EEFSEC: variants seen among roughly 807,000 people sequenced by gnomAD.
The protein encoded by EEFSEC is selenocysteine-specific elongation factor.
In EEFSEC, 43 loss-of-function variants were observed where a neutral mutation model predicts 42.1. The observed-to-expected ratio is 1.02, with a 90% CI of 0.80 to 1.32. The LOEUF is 1.32. EEFSEC is among the 40% of genes most tolerant of loss of function. The probability of loss-of-function intolerance (pLI) is 0.00; values close to 1 mark genes in which losing one functional copy is unlikely to be tolerated. For synonymous variants in EEFSEC, 354 were observed against 339.1 expected (o/e 1.04, Z -0.48); for missense variants, 745 against 803.6 (o/e 0.93, Z 0.88).
Position 128,342,849 on chromosome 3 carries a change from C to T in EEFSEC, c.1443+960C>T, listed in dbSNP as rs537369100. Among the ~76,000 whole-genome samples, 66 of 152,374 alleles carry T rather than the reference C, an allele frequency of 4.3e-4. 2 individuals carry two copies. The South Asian group carries it at 9.5e-3, about 22-fold the overall frequency. On this transcript the variant is annotated intron_variant, in intron 5 of 6. Transcript: ENST00000254730. ...CCTCCCATGGGGCATCCATCCCCAG[C>T]AGCTGTCCACACAGTGCTGAGTGGG...
the EEFSEC span, among the ~76,000 whole-genome samples, chr3:128,422,912 C>T: frequency 6.6e-6 from 1 of 152,194 alleles, no homozygotes; most frequent in Non-Finnish European, 1.5e-5. Context: ...GGTCATGCTG[C>T]CCCCACCTGC....
intron 4 of EEFSEC, among the ~76,000 whole-genome samples, chr3:128,311,101 A>G (rs551611753): frequency 6.6e-6 from 1 of 152,384 alleles, no homozygotes; most frequent in African/African-American, 2.4e-5. Context: ...GAAAATTTTT[A>G]AAATTAAAAT....
intron 4 of EEFSEC, among the ~76,000 whole-genome samples, chr3:128,282,260 A>C (rs1429296776): frequency 6.6e-6 from 1 of 152,178 alleles, no homozygotes; most frequent in Non-Finnish European, 1.5e-5. Context: ...GTCTCTTCCA[A>C]GCCAGGAGTG....
At chr3:128,403,509 G>A (rs897682447) in intron 6 of EEFSEC, among the ~76,000 whole-genome samples, 2 of 152,174 alleles carry the variant, frequency 1.3e-5, no homozygotes, top group African/African-American at 4.8e-5. Context: ...CCAGGCAGAT[G>A]GGCAGTCGGC....
At chr3:128,323,154 G>A (rs1024957311) in intron 4 of EEFSEC, among the ~76,000 whole-genome samples, 6 of 152,310 alleles carry the variant, frequency 3.9e-5, no homozygotes, top group Non-Finnish European at 8.8e-5. Context: ...ACTGGTTTCT[G>A]CACTTAGGGG....
chr3:128,396,814 C>T (rs2067986703), intron 6 of EEFSEC, among the ~76,000 whole-genome samples: 1 of 152,224 alleles, frequency 6.6e-6, no homozygotes, highest in East Asian at 1.9e-4. Flanking sequence ...CAAACATTAG[C>T]TGTGATTGCT....
At chr3:128,280,389 TTTG>T (rs1214391869) in intron 4 of EEFSEC, among the ~76,000 whole-genome samples, 1 of 152,256 alleles carries the variant, frequency 6.6e-6, no homozygotes, top group Non-Finnish European at 1.5e-5. Context: ...AAGAGCAACT[TTTG>T]TTCTGTCCTT....
chr3:128,362,588 G>A (rs913064561), intron 6 of EEFSEC, among the ~76,000 whole-genome samples: 4 of 152,362 alleles, frequency 2.6e-5, no homozygotes, highest in South Asian at 4.1e-4. Context: ...CAGTTCATGT[G>A]TGTGTCTGCT....
intron 1 of EEFSEC, among the ~76,000 whole-genome samples, chr3:128,177,340 A>G (rs1040419787): frequency 2.0e-5 from 3 of 152,086 alleles, no homozygotes; most frequent in Non-Finnish European, 1.5e-5. Context: ...AAAGCTTTAG[A>G]TTTTTTAAAG....
intron 5 of EEFSEC, among the ~76,000 whole-genome samples, chr3:128,342,940 A>AGCC (rs2067272121): frequency 6.6e-6 from 1 of 152,106 alleles, no homozygotes. Context: ...TCTCTTCTAG[A>AGCC]AGGCTAGCTC....
chr3:128,341,765 A>T lies in EEFSEC; in HGVS notation c.1319A>T (p.Asn440Ile). 1.2e-6 allele frequency: 2 copies of T among 1,614,116 alleles called. No individual in the cohort carries two copies. The highest frequency in any genetic ancestry group is 1.7e-6 in the Non-Finnish European group (2 of 1,180,034). ...GSRLDADIHT[N>I]TCRLAFHGIL... ...AGGCTAGATGCGGACATTCACACCA[A>T]CACGTGCCGGCTAGCCTTCCATGGC... is the stretch of plus-strand genomic sequence containing the variant. The change falls in exon 5 of 7, where the codon AAC becomes ATC. Residue 440 changes from asparagine to isoleucine, a missense_variant. Transcript: ENST00000254730.
At chr3:128,368,785 G>A (rs2067620398) in intron 6 of EEFSEC, among the ~76,000 whole-genome samples, 1 of 152,256 alleles carries the variant, frequency 6.6e-6, no homozygotes, top group Non-Finnish European at 1.5e-5. Context: ...TGCAGGCGTT[G>A]GGAGTGGGCT....
intron 6 of EEFSEC, among the ~76,000 whole-genome samples, chr3:128,384,420 G>A (rs540760813): frequency 1.3e-5 from 2 of 152,350 alleles, no homozygotes; most frequent in South Asian, 2.1e-4. Flanking sequence ...AGAATGGGGT[G>A]TCCCAGGATG....
chr3:128,295,230 GT>G (rs764716440), intron 4 of EEFSEC, among the ~76,000 whole-genome samples: 18 of 152,194 alleles, frequency 1.2e-4, no homozygotes, highest in Non-Finnish European at 2.2e-4. Flanking sequence ...CCTGCCTTTG[GT>G]GGTGTCCAAC....
intron 4 of EEFSEC, among the ~76,000 whole-genome samples, chr3:128,290,568 A>G (rs972463494): frequency 6.7e-6 from 1 of 148,570 alleles, no homozygotes; most frequent in African/African-American, 2.5e-5. Context: ...TTCCAAGTCA[A>G]CTTTTTTTTT....
chr3:128,381,058 C>G (rs1462659464), intron 6 of EEFSEC, among the ~76,000 whole-genome samples: 1 of 152,218 alleles, frequency 6.6e-6, no homozygotes, highest in Non-Finnish European at 1.5e-5. Context: ...TTGGGCCTCC[C>G]CTAAGCAGAG....
intron 4 of EEFSEC, among the ~76,000 whole-genome samples, chr3:128,272,169 C>A (rs1271542398): frequency 1.3e-5 from 2 of 152,182 alleles, no homozygotes; most frequent in Non-Finnish European, 2.9e-5. Context: ...GGCATAATCC[C>A]CACAGCTCTG....
At chr3:128,402,953 C>T (rs1253623783) in intron 6 of EEFSEC, among the ~76,000 whole-genome samples, 2 of 152,058 alleles carry the variant, frequency 1.3e-5, no homozygotes, top group African/African-American at 2.4e-5. Context: ...GTCATTTCAG[C>T]AGAGGCAGAC....
At position 128,211,407 on chromosome 3, in the gene EEFSEC, C is replaced by T. The variant is rs1292717353; in HGVS notation, c.317-35429C>T. 2.0e-5 allele frequency among the ~76,000 whole-genome samples: 3 copies of T among 152,122 alleles called. No individual in the cohort carries two copies. In the East Asian group the frequency reaches 5.8e-4, roughly 29 times the overall value. On this transcript the variant is annotated intron_variant, in intron 1 of 6. Coordinates refer to ENST00000254730, the MANE Select transcript of EEFSEC (RefSeq NM_021937.5). ...TGGCTGGGACTACAGGTGTGAGCCA[C>T]ACCACCAAGCTCTAGGAAGGCTGTT...
Sources: gnomAD v4.1 joint callset for allele counts (sites outside exome capture counted in the v4.1 genomes callset) on GRCh38, gnomAD v4.1.1 for gene constraint, MANE v1.5 for transcripts, NCBI Gene and HGNC (gene_info 2026-07-23, HGNC 2026-07-21) for gene names.